Variants in CTNNA1 observed in about 807,000 individuals in gnomAD.
CTNNA1 encodes the protein catenin alpha 1, also known as catenin alpha-1.
Under a neutral mutation model 98.4 loss-of-function variants are expected in CTNNA1, and 37 were observed. That is an observed-to-expected ratio of 0.38 (90% CI 0.29 to 0.49). The LOEUF (loss-of-function observed/expected upper bound fraction) is 0.49, where lower values mean the gene tolerates loss of function less well. Ranked by LOEUF, CTNNA1 falls within the 20% of genes least tolerant of loss-of-function variation. The probability of loss-of-function intolerance (pLI) is 0.95; values close to 1 mark genes in which losing one functional copy is unlikely to be tolerated. For missense variants in CTNNA1, 761 were observed against 1,147.2 expected (o/e 0.66, Z 4.86); for synonymous variants, 404 against 413.2 (o/e 0.98, Z 0.27).
At chr5:138,835,345 G>A (rs988470554) in intron 7 of CTNNA1, among the ~76,000 whole-genome samples, 1 of 152,178 alleles carries the variant, frequency 6.6e-6, no homozygotes, top group Non-Finnish European at 1.5e-5. Flanking sequence ...GGGCTCTGTG[G>A]TTTGCAGGTA....
intron 7 of CTNNA1, among the ~76,000 whole-genome samples, chr5:138,863,968 CT>C (rs1033023689): frequency 6.6e-6 from 1 of 151,362 alleles, no homozygotes; most frequent in African/African-American, 2.4e-5. Flanking sequence ...AAACACCAGT[CT>C]TTTTTTTTAA....
At chr5:138,775,220 C>T (rs756121800) in intron 1 of CTNNA1, among the ~76,000 whole-genome samples, 2 of 152,154 alleles carry the variant, frequency 1.3e-5, no homozygotes, top group African/African-American at 2.4e-5. Flanking sequence ...TATGTAGGAT[C>T]CATAGGGCAA....
Position 138,887,618 on chromosome 5 carries a change from T to C in CTNNA1, c.1272T>C (p.Arg424=). The stretch of plus-strand genomic sequence containing the variant: ...TTAAGGAGTATGCCCAAGTTTTCCG[T>C]GAACATGCCAACAAATTGATTGAGG... ...KEVKEYAQVF[R]EHANKLIEVA... Residue 424 remains arginine (R), a synonymous_variant, in exon 9 of 18, where the codon CGT becomes CGC. Coordinates refer to ENST00000302763, the MANE Select transcript of CTNNA1 (RefSeq NM_001903.5). 1 of 1,611,106 alleles carries C rather than the reference T, an allele frequency of 6.2e-7. No homozygotes were observed. Among genetic ancestry groups the C allele is most frequent in the South Asian group, 1.1e-5 (1 of 90,136 alleles).
rs1335841078 is a variant in CTNNA1 at position 138,930,818 on chromosome 5, C to T, written c.2193-12C>T. 5 of 1,568,222 alleles carry T rather than the reference C, an allele frequency of 3.2e-6. No individual in the cohort carries two copies. The highest frequency in any genetic ancestry group is 4.4e-6 in the Non-Finnish European group (5 of 1,138,190). ...CACATACAATAATCCTTGTTCTCTTCCCTCTTCTCAGAGGTAAAGGACCAC... is the reference window on the plus strand; with the variant it reads ...CACATACAATAATCCTTGTTCTCTTTCCTCTTCTCAGAGGTAAAGGACCAC... On this transcript the variant is annotated splice_polypyrimidine_tract_variant and intron_variant, in intron 15 of 17. Transcript: ENST00000302763.
At chr5:138,929,436 C>G in intron 14 of CTNNA1, 80 bp downstream of exon 14, 2 of 734,590 alleles carry the variant, frequency 2.7e-6, no homozygotes, top group Non-Finnish European at 4.9e-6. Context: ...GGAAAACACC[C>G]TCAGTATTCA....
rs35271091 is a variant in CTNNA1, at chr5:138,879,171, TAAAAAA to T, written c.1063-7021_1063-7016del. 6.5e-4 allele frequency among the ~76,000 whole-genome samples: 52 copies of T among 80,328 alleles called. No individual in the cohort carries two copies. In the East Asian group the frequency reaches 8.3e-3, roughly 13 times the overall value. The allele number at this position is 80,328 out of a possible 152,430, so 52.7% of individuals were successfully genotyped here. On this transcript the variant is annotated intron_variant, in intron 7 of 17. Transcript: ENST00000302763. ...GGGTGACAGAGTGAGACTCCGTCTT[TAAAAAA>T]AAAAAAAAAAAAAAAAAAAGCCATT...
intron 5 of CTNNA1, among the ~76,000 whole-genome samples, chr5:138,814,117 C>T (rs1037942907): frequency 8.5e-5 from 13 of 152,164 alleles, no homozygotes; most frequent in African/African-American, 1.7e-4. Flanking sequence ...TAGTTTATTG[C>T]TTATATTTCA....
intron 3 of CTNNA1, among the ~76,000 whole-genome samples, chr5:138,804,913 A>G (rs1029966483): frequency 1.3e-5 from 2 of 152,212 alleles, no homozygotes; most frequent in Non-Finnish European, 2.9e-5. Context: ...TGGGTAATTT[A>G]TAAAGAAAAG....
intron 10 of CTNNA1, among the ~76,000 whole-genome samples, chr5:138,905,098 A>G (rs1758922341): frequency 6.7e-6 from 1 of 149,350 alleles, no homozygotes; most frequent in Non-Finnish European, 1.5e-5. Context: ...CGTCTCAAAA[A>G]AAAAAAAAAA....
chr5:138,759,910 G>C (rs1408463251), intron 1 of CTNNA1, among the ~76,000 whole-genome samples: 3 of 151,334 alleles, frequency 2.0e-5, no homozygotes, highest in Non-Finnish European at 4.4e-5. Flanking sequence ...TTGTCTAGGT[G>C]GGGAGACTGA....
chr5:138,815,265 A>G (rs1362402681), intron 5 of CTNNA1, among the ~76,000 whole-genome samples: 3 of 152,074 alleles, frequency 2.0e-5, no homozygotes, highest in Admixed American at 1.3e-4. Context: ...TTTCTGAAAT[A>G]AGATGTCACA....
chr5:138,921,243 C>T (rs910030580), intron 11 of CTNNA1, among the ~76,000 whole-genome samples: 10 of 152,314 alleles, frequency 6.6e-5, no homozygotes, highest in South Asian at 4.1e-4. Context: ...ACGTTTTCCA[C>T]GGAAATGTTA....
intron 17 of CTNNA1, 118 bp downstream of exon 17, chr5:138,932,830 TC>T: frequency 1.5e-6 from 2 of 1,296,774 alleles, no homozygotes; most frequent in Non-Finnish European, 2.2e-6. Flanking sequence ...GTGCAGAAAC[TC>T]CAAGTCCTGT....
intron 7 of CTNNA1, among the ~76,000 whole-genome samples, chr5:138,863,045 A>T (rs1467787122): frequency 6.6e-6 from 1 of 152,116 alleles, no homozygotes; most frequent in Non-Finnish European, 1.5e-5. Flanking sequence ...CAAAGGCCCA[A>T]GGTACATAAA....
At chr5:138,849,581 C>T (rs1187306194) in intron 7 of CTNNA1, among the ~76,000 whole-genome samples, 7 of 152,156 alleles carry the variant, frequency 4.6e-5, no homozygotes. Context: ...TTAAGCAGGG[C>T]TGACTTTGAA....
chr5:138,781,821 A>G (rs1755147604), intron 1 of CTNNA1, 102 bp from the exon 2 acceptor site: 1 of 1,079,844 alleles, frequency 9.3e-7, no homozygotes, highest in Non-Finnish European at 1.3e-6. Flanking sequence ...TATAGTGAAT[A>G]TAGCTTTCCT....
chr5:138,884,332 T>A (rs1241340286), intron 7 of CTNNA1, among the ~76,000 whole-genome samples: 1 of 152,150 alleles, frequency 6.6e-6, no homozygotes, highest in Non-Finnish European at 1.5e-5. Flanking sequence ...GTTCTTGTTA[T>A]GTAGATGAAG....
In CTNNA1 at chr5:138,824,798, A is replaced by G; in HGVS notation, c.857A>G (p.Asp286Gly). ...GELAYALNNF[D>G]KQIIVDPLSF... ...CTGGCATATGCACTCAATAACTTTG[A>G]CGTAAGTTATGCTTGGGTGGAAATT... The change falls in exon 6 of 18, where the codon GAC (aspartate) becomes GGC (glycine). Residue 286 changes from aspartate (D) to glycine (G), a missense_variant and splice_region_variant. Coordinates refer to ENST00000302763, the MANE Select transcript of CTNNA1 (RefSeq NM_001903.5). 1 of 1,610,176 alleles carries G rather than the reference A, an allele frequency of 6.2e-7. No individual in the cohort carries two copies. Among genetic ancestry groups the G allele is most frequent in the Non-Finnish European group, 8.5e-7 (1 of 1,176,588 alleles).
At chr5:138,859,528 T>A (rs288015) in intron 7 of CTNNA1, among the ~76,000 whole-genome samples, 1 of 152,056 alleles carries the variant, frequency 6.6e-6, no homozygotes, top group Non-Finnish European at 1.5e-5. Flanking sequence ...TAACATGTCA[T>A]ATATTGAATC....
Sources: allele counts gnomAD v4.1 joint callset (sites outside exome capture counted in the v4.1 genomes callset), GRCh38; gene constraint gnomAD v4.1.1; transcripts MANE v1.5; gene names NCBI Gene and HGNC (gene_info 2026-07-23, HGNC 2026-07-21).